The following TNKS2 variants were observed in gnomAD, a reference collection of about 807,000 sequenced individuals.
TNKS2 encodes the protein poly [ADP-ribose] polymerase tankyrase-2.
Under a neutral mutation model 137.6 loss-of-function variants are expected in TNKS2, and 72 were observed. The ratio of observed to expected loss-of-function variants is 0.52; its 90% CI spans 0.43 to 0.64. The LOEUF is 0.64. Ranked by LOEUF, TNKS2 falls within the 30% of genes least tolerant of loss-of-function variation. The pLI, the probability that TNKS2 is intolerant of heterozygous loss-of-function variation, is 0.00. For synonymous variants in TNKS2, 516 were observed against 512.1 expected (o/e 1.01, Z -0.10); for missense variants, 1,049 against 1,410.2 (o/e 0.74, Z 4.10).
At chr10:91,850,853 A>G (rs1047231340) in intron 20 of TNKS2, among the ~76,000 whole-genome samples, 1 of 152,258 alleles carries the variant, frequency 6.6e-6, no homozygotes, top group Non-Finnish European at 1.5e-5. Context: ...GCCATAGTGT[A>G]TTACTGTATT....
chr10:91,848,693 T>A, intron 19 of TNKS2, 58 bp downstream of exon 19: 1 of 1,576,242 alleles, frequency 6.3e-7, no homozygotes, highest in Non-Finnish European at 8.6e-7. Flanking sequence ...TATTTGTCAT[T>A]TGGGATGCTA....
chr10:91,842,119 C>A, intron 15 of TNKS2, 53 bp from the exon 16 acceptor site: 1 of 1,304,788 alleles, frequency 7.7e-7, no homozygotes, highest in South Asian at 1.3e-5. Flanking sequence ...TCTCATTGAC[C>A]AAAGGCACAT....
chr10:91,798,962 C>T lies in TNKS2; in HGVS notation c.199+73C>T, dbSNP rs1033801981. 5 of 1,279,268 alleles carry T rather than the reference C, an allele frequency of 3.9e-6. No individual in the cohort carries two copies. In the African/African-American group the frequency reaches 6.2e-5, roughly 16 times the overall value. The allele number at this position is 1,279,268 out of a possible 1,614,324, so 79.2% of individuals were successfully genotyped here. A position where few individuals can be genotyped will look rare whatever the true frequency, so the allele number is the denominator to read the frequency against. On this transcript the variant is annotated intron_variant, in intron 1 of 26. Transcript: ENST00000371627. ...CAGCCGGGGCCCACAGGTCTGAAAC[C>T]AGTGCTCCTCCGCCTCCCGACCTTT...
chr10:91,832,272 T>G (rs576099619), intron 11 of TNKS2, among the ~76,000 whole-genome samples: 2 of 152,284 alleles, frequency 1.3e-5, no homozygotes, highest in South Asian at 4.1e-4. Flanking sequence ...GTACATTACT[T>G]GAAGAATATC....
chr10:91,824,679 C>G (rs1845009514), intron 7 of TNKS2, among the ~76,000 whole-genome samples: 1 of 152,080 alleles, frequency 6.6e-6, no homozygotes, highest in Non-Finnish European at 1.5e-5. Context: ...GAATGCTTAT[C>G]CAGTTTGCAG....
rs1844057890 is a variant in TNKS2 at position 91,798,876 on chromosome 10, G to A, written c.186G>A (p.Leu62=). 1 of 1,373,520 alleles carries A rather than the reference G, an allele frequency of 7.3e-7. No individual in the cohort carries two copies. Among genetic ancestry groups the A allele is most frequent in the Non-Finnish European group, 9.5e-7 (1 of 1,055,058 alleles). 85.1% of individuals were successfully genotyped at this position (1,373,520 alleles called of 1,614,324 possible). A position where few individuals can be genotyped will look rare whatever the true frequency, so the allele number is the denominator to read the frequency against. Residue 62 remains leucine, a synonymous_variant, in exon 1 of 27, where the codon CTG becomes CTA. Coordinates refer to ENST00000371627, the MANE Select transcript of TNKS2 (RefSeq NM_025235.4). ...RDTAGRKSTP[L]HFAAGFGRKD... ...CGGCGGGCAGGAAATCCACCCCGCT[G>A]CACTTCGCCGCAGGTAACCGGGGCC... is the stretch of plus-strand genomic sequence containing the variant.
Position 91,827,174 on chromosome 10 carries a change from C to T in TNKS2, c.953C>T (p.Pro318Leu). The T allele has an allele frequency of 2.5e-6, 4 of 1,570,062 alleles. No individual in the cohort carries two copies. Among genetic ancestry groups the T allele is most frequent in the Non-Finnish European group, 3.5e-6 (4 of 1,156,966 alleles). Residue 318 changes from proline (P) to leucine (L), a missense_variant, in exon 8 of 27, where the codon CCC becomes CTC. By Grantham distance (98) the Pro-to-Leu change is moderately conservative. Transcript: ENST00000371627. The part of the protein sequence containing the change: ...CHNKSAIDLA[P>L]TPQLKERLAY... ...AATAAAAGTGCTATAGACTTGGCTCCCACACCACAGTTAAAAGAAAGATTA... is the reference window on the plus strand; with the variant it reads ...AATAAAAGTGCTATAGACTTGGCTCTCACACCACAGTTAAAAGAAAGATTA...
intron 7 of TNKS2, among the ~76,000 whole-genome samples, chr10:91,826,451 A>C (rs374366417): frequency 7.2e-4 from 109 of 152,352 alleles, no homozygotes; most frequent in South Asian, 7.0e-3. Flanking sequence ...CTACTTGTGC[A>C]ACAACATGAA....
chr10:91,825,033 C>T (rs1286761636), intron 7 of TNKS2, among the ~76,000 whole-genome samples: 3 of 151,930 alleles, frequency 2.0e-5, no homozygotes, highest in Non-Finnish European at 4.4e-5. Context: ...CTCTGCACAC[C>T]CAAACCACAC....
At chr10:91,829,988 G>C (rs911982190) in intron 9 of TNKS2, among the ~76,000 whole-genome samples, 3 of 152,010 alleles carry the variant, frequency 2.0e-5, no homozygotes, top group Non-Finnish European at 2.9e-5. Context: ...GCTTATAACT[G>C]GCAAATCTCT....
At chr10:91,814,107 A>G (rs1172122195) in intron 2 of TNKS2, among the ~76,000 whole-genome samples, 3 of 152,190 alleles carry the variant, frequency 2.0e-5, no homozygotes, top group Non-Finnish European at 4.4e-5. Flanking sequence ...AGACATTATT[A>G]TAGGAGATGA....
Position 91,798,502 on chromosome 10 carries a change from G to T in TNKS2, c.-189G>T. 1.8e-6 allele frequency: 1 copy of T among 553,170 alleles called. No individual in the cohort carries two copies. Among genetic ancestry groups the T allele is most frequent in the Non-Finnish European group, 2.6e-6 (1 of 386,096 alleles). 34.3% of individuals were successfully genotyped at this position (553,170 alleles called of 1,614,324 possible). A position where few individuals can be genotyped will look rare whatever the true frequency, so the allele number is the denominator to read the frequency against. On this transcript the variant is annotated 5_prime_UTR_variant, in exon 1 of 27. Coordinates refer to ENST00000371627, the MANE Select transcript of TNKS2 (RefSeq NM_025235.4). ...TCCGCCGCCGCGGGGCAGCCGGGGG[G>T]CAGGGAGCCCAGCGAGGGGCGCGCG... is the stretch of plus-strand genomic sequence containing the variant.
intron 19 of TNKS2, among the ~76,000 whole-genome samples, 153 bp from the exon 20 acceptor site, chr10:91,849,359 T>C (rs1016491806): frequency 6.6e-6 from 1 of 152,230 alleles, no homozygotes; most frequent in African/African-American, 2.4e-5. Flanking sequence ...TGTTGAAATT[T>C]TGTAGCTTTC....
In TNKS2 at chr10:91,798,504, A is replaced by C; in HGVS notation, c.-187A>C. On this transcript the variant is annotated 5_prime_UTR_variant, in exon 1 of 27. Transcript: ENST00000371627. ...CGCCGCCGCGGGGCAGCCGGGGGGCAGGGAGCCCAGCGAGGGGCGCGCGTG... is the reference window on the plus strand; with the variant it reads ...CGCCGCCGCGGGGCAGCCGGGGGGCCGGGAGCCCAGCGAGGGGCGCGCGTG... 3.6e-6 allele frequency: 2 copies of C among 553,598 alleles called. No individual in the cohort carries two copies. The allele number at this position is 553,598 out of a possible 1,614,324, so 34.3% of individuals were successfully genotyped here. A position where few individuals can be genotyped will look rare whatever the true frequency, so the allele number is the denominator to read the frequency against.
chr10:91,838,170 G>C (rs1025653411), intron 13 of TNKS2, among the ~76,000 whole-genome samples: 2 of 144,176 alleles, frequency 1.4e-5, no homozygotes, highest in Admixed American at 1.5e-4. Flanking sequence ...ACTAAACTTT[G>C]TTTTTATAAA....
At chr10:91,829,402 A>G (rs1027126541) in intron 9 of TNKS2, among the ~76,000 whole-genome samples, 2 of 151,928 alleles carry the variant, frequency 1.3e-5, no homozygotes, top group Non-Finnish European at 2.9e-5. Context: ...AATTCTGGTC[A>G]TAACTACTGT....
At chr10:91,799,645 T>C (rs1463113084) in intron 1 of TNKS2, among the ~76,000 whole-genome samples, 1 of 152,230 alleles carries the variant, frequency 6.6e-6, no homozygotes, top group African/African-American at 2.4e-5. Flanking sequence ...TTTTAATATT[T>C]ATTAGGTTCA....
At chr10:91,844,821 C>G in intron 16 of TNKS2, 98 bp from the exon 17 acceptor site, 1 of 671,330 alleles carries the variant, frequency 1.5e-6, no homozygotes, top group East Asian at 2.8e-5. Context: ...TATATGTATA[C>G]ATGTAATGAC....
intron 1 of TNKS2, among the ~76,000 whole-genome samples, chr10:91,808,336 CTG>C (rs1231753442): frequency 6.6e-6 from 1 of 151,690 alleles, no homozygotes; most frequent in Non-Finnish European, 1.5e-5. Flanking sequence ...ACTTGACAAA[CTG>C]AAAGTATATT....
Sources: gnomAD v4.1 joint callset for allele counts (sites outside exome capture counted in the v4.1 genomes callset) on GRCh38, gnomAD v4.1.1 for gene constraint, MANE v1.5 for transcripts, NCBI Gene and HGNC (gene_info 2026-07-23, HGNC 2026-07-21) for gene names.